Variants in TRABD2B observed in about 807,000 individuals in gnomAD.
TRABD2B encodes the protein metalloprotease TIKI2.
Under a neutral mutation model 40.1 loss-of-function variants are expected in TRABD2B, and 14 were observed. The ratio of observed to expected loss-of-function variants is 0.35; its 90% CI spans 0.23 to 0.55. The LOEUF (loss-of-function observed/expected upper bound fraction) is 0.55, where lower values mean the gene tolerates loss of function less well. Among genes scored for constraint, TRABD2B ranks in the 20% least tolerant of loss-of-function variants. The pLI, the probability that TRABD2B is intolerant of heterozygous loss-of-function variation, is 0.90. For synonymous variants in TRABD2B, 263 were observed against 277.0 expected, an observed-to-expected ratio of 0.95 and a Z score of 0.50; for missense variants, 541 against 648.6, an observed-to-expected ratio of 0.83 and a Z score of 1.80.
At chr1:47,865,598 CA>C (rs1318394787) in intron 2 of TRABD2B, among the ~76,000 whole-genome samples, 6 of 152,082 alleles carry the variant, frequency 3.9e-5, no homozygotes, top group Admixed American at 6.5e-5. Flanking sequence ...TGTGGAAATA[CA>C]AAAGAAAAGT....
intron 2 of TRABD2B, chr1:47,820,258 A>G (rs1399938730): frequency 1.3e-5 from 2 of 152,142 alleles, no homozygotes; most frequent in African/African-American, 4.8e-5. Context: ...GTGGCCTTTT[A>G]TTACCTGTTA....
At chr1:47,787,686 G>A (rs552948466) in intron 4 of TRABD2B, among the ~76,000 whole-genome samples, 157 of 152,304 alleles carry the variant, frequency 1.0e-3, no homozygotes, top group South Asian at 8.1e-3. Flanking sequence ...CACCATGGGG[G>A]CAGAAGATGT....
At chr1:47,878,446 G>C (rs1367016160) in intron 2 of TRABD2B, among the ~76,000 whole-genome samples, 1 of 152,176 alleles carries the variant, frequency 6.6e-6, no homozygotes, top group Non-Finnish European at 1.5e-5. Context: ...ACACAGCCAC[G>C]AACTAGAAGG....
At chr1:47,781,955 G>A (rs1314566136) in intron 4 of TRABD2B, among the ~76,000 whole-genome samples, 1 of 152,190 alleles carries the variant, frequency 6.6e-6, no homozygotes, top group Non-Finnish European at 1.5e-5. Context: ...TATCTGTCCT[G>A]TTGGTGGGCT....
chr1:47,844,199 T>C (rs1279095961), intron 2 of TRABD2B, among the ~76,000 whole-genome samples: 2 of 152,222 alleles, frequency 1.3e-5, no homozygotes, highest in African/African-American at 4.8e-5. Flanking sequence ...TAAAAAGTGA[T>C]ATAAGCCTCT....
intron 6 of TRABD2B, among the ~76,000 whole-genome samples, chr1:47,772,487 C>T (rs147099352): frequency 4.1e-4 from 62 of 151,962 alleles, no homozygotes; most frequent in African/African-American, 8.2e-4. Flanking sequence ...CGTGGGGGCA[C>T]TGTAGGACCC....
chr1:47,807,118 T>C (rs1644902975), intron 2 of TRABD2B, among the ~76,000 whole-genome samples: 1 of 152,114 alleles, frequency 6.6e-6, no homozygotes, highest in Non-Finnish European at 1.5e-5. Flanking sequence ...TTAGTAAAAA[T>C]ACTAATATGC....
At chr1:47,981,072 G>A (rs758000067) in intron 2 of TRABD2B, among the ~76,000 whole-genome samples, 1 of 151,752 alleles carries the variant, frequency 6.6e-6, no homozygotes, top group African/African-American at 2.4e-5. Flanking sequence ...AGAGTGGCAC[G>A]ATCTTGGCTC....
chr1:47,766,312 G>A (rs6588498), intron 6 of TRABD2B, among the ~76,000 whole-genome samples: 58,353 of 151,962 alleles, frequency 0.38, 11,526 homozygotes, highest in African/African-American at 0.48. Context: ...CCCCTTTGCC[G>A]GGCTCTGGGG....
intron 2 of TRABD2B, among the ~76,000 whole-genome samples, chr1:47,873,128 T>A (rs1273335548): frequency 6.6e-6 from 1 of 152,142 alleles, no homozygotes; most frequent in African/African-American, 2.4e-5. Flanking sequence ...ACAAAATTAA[T>A]CATTAACAGC....
chr1:47,943,419 A>C (rs1645214247), intron 2 of TRABD2B, among the ~76,000 whole-genome samples: 2 of 152,270 alleles, frequency 1.3e-5, no homozygotes, highest in South Asian at 2.1e-4. Context: ...AAAAAAGCAC[A>C]AATAATCTCA....
intron 2 of TRABD2B, among the ~76,000 whole-genome samples, chr1:47,982,218 A>G (rs1184527969): frequency 6.6e-6 from 1 of 152,242 alleles, no homozygotes; most frequent in Non-Finnish European, 1.5e-5. Flanking sequence ...CAAAGGACCA[A>G]GAGCCATCTT....
intron 2 of TRABD2B, among the ~76,000 whole-genome samples, chr1:47,993,067 G>A (rs1334924934): frequency 6.6e-6 from 1 of 152,222 alleles, no homozygotes; most frequent in Non-Finnish European, 1.5e-5. Flanking sequence ...GGTAGTTTCT[G>A]GTCCAGCCAA....
At chr1:47,816,755 G>A (rs1287577399) in intron 2 of TRABD2B, among the ~76,000 whole-genome samples, 1 of 152,154 alleles carries the variant, frequency 6.6e-6, no homozygotes, top group East Asian at 1.9e-4. Flanking sequence ...TTAATCATTT[G>A]TTCCATGACA....
At chr1:47,961,647 T>C (rs942404305) in intron 2 of TRABD2B, among the ~76,000 whole-genome samples, 17 of 151,978 alleles carry the variant, frequency 1.1e-4, no homozygotes, top group African/African-American at 4.1e-4. Context: ...GAAATGCAAA[T>C]CAAAACCACA....
chr1:47,911,214 G>A (rs1211448523), intron 2 of TRABD2B, among the ~76,000 whole-genome samples: 3 of 152,170 alleles, frequency 2.0e-5, no homozygotes, highest in African/African-American at 7.2e-5. Flanking sequence ...ATGAGATAAT[G>A]CACATAAAGG....
chr1:47,831,024 C>G (rs1425793097), intron 2 of TRABD2B, among the ~76,000 whole-genome samples: 1 of 151,990 alleles, frequency 6.6e-6, no homozygotes, highest in Non-Finnish European at 1.5e-5. Flanking sequence ...GGGGGCCCGA[C>G]TGAGCCACAT....
At chr1:47,811,977 C>T (rs1037279262) in intron 2 of TRABD2B, among the ~76,000 whole-genome samples, 2 of 152,192 alleles carry the variant, frequency 1.3e-5, no homozygotes, top group East Asian at 3.9e-4. Context: ...TTCTTCAGAG[C>T]CCTGTGAGGA....
intron 2 of TRABD2B, among the ~76,000 whole-genome samples, chr1:47,933,520 T>C (rs1645068390): frequency 6.6e-6 from 1 of 152,176 alleles, no homozygotes; most frequent in Non-Finnish European, 1.5e-5. Flanking sequence ...CAGCTTTATA[T>C]CTTTGGGAAT....
Sources: allele counts gnomAD v4.1 joint callset (sites outside exome capture counted in the v4.1 genomes callset), GRCh38; gene constraint gnomAD v4.1.1; transcripts MANE v1.5; gene names NCBI Gene and HGNC (gene_info 2026-07-23, HGNC 2026-07-21).